Variants in EML6 observed in about 807,000 individuals in gnomAD.
EML6 encodes EMAP like 6, also known as echinoderm microtubule-associated protein-like 6.
EML6 carries 154 observed loss-of-function variants against 240.1 expected under a neutral mutation model. That is an observed-to-expected ratio of 0.64 (90% CI 0.56 to 0.73). The LOEUF is 0.73. Ranked by LOEUF, EML6 falls within the 30% of genes least tolerant of loss-of-function variation. The pLI is 0.00. For missense variants in EML6, 2,964 were observed against 2,474.6 expected (o/e 1.20, Z -4.20); for synonymous variants, 1,148 against 899.0 (o/e 1.28, Z -4.95).
At chr2:54,839,306 C>T (rs185200591) in intron 7 of EML6, among the ~76,000 whole-genome samples, 1 of 152,178 alleles carries the variant, frequency 6.6e-6, no homozygotes, top group Admixed American at 6.5e-5. Context: ...TATTAGGAAA[C>T]ATGAATACAG....
At chr2:54,796,316 T>C (rs1669768794) in intron 2 of EML6, among the ~76,000 whole-genome samples, 1 of 152,160 alleles carries the variant, frequency 6.6e-6, no homozygotes, top group Non-Finnish European at 1.5e-5. Context: ...CTTTACTCAT[T>C]ACTCTCAAAA....
chr2:54,823,272 G>T (rs991963781), intron 5 of EML6, among the ~76,000 whole-genome samples: 1 of 152,168 alleles, frequency 6.6e-6, no homozygotes, highest in African/African-American at 2.4e-5. Context: ...CTGAGCCTCA[G>T]TGGGTGGGTG....
At chr2:54,728,655 A>G (rs116681291) in intron 2 of EML6, among the ~76,000 whole-genome samples, 4,766 of 152,282 alleles carry the variant, frequency 0.031, 101 homozygotes, top group South Asian at 0.094. Context: ...AAAAAAATGT[A>G]TGCAAAGGGT....
At chr2:54,846,983 G>T (rs544396079) in intron 8 of EML6, among the ~76,000 whole-genome samples, 1 of 149,542 alleles carries the variant, frequency 6.7e-6, no homozygotes, top group African/African-American at 2.4e-5. Flanking sequence ...GCGGTGGCAG[G>T]ATCAGCCTTG....
Position 54,864,694 on chromosome 2 carries a change from T to C in EML6, c.1932+805T>C, listed in dbSNP as rs574271492. 2.4e-4 allele frequency among the ~76,000 whole-genome samples: 36 copies of C among 152,358 alleles called. 1 individual carries two copies. The highest frequency in any genetic ancestry group is 6.8e-3 in the Middle Eastern group (2 of 294). On this transcript the variant is annotated intron_variant, in intron 13 of 41. Transcript: ENST00000356458. ...AGATATAGGCCTATGGCAGCTACCA[T>C]GTGTTGAAAGAAGTAAAGTAACTTG...
At chr2:54,741,875 C>T (rs1271151658) in intron 2 of EML6, among the ~76,000 whole-genome samples, 1 of 152,122 alleles carries the variant, frequency 6.6e-6, no homozygotes, top group African/African-American at 2.4e-5. Context: ...TTAAATATAG[C>T]TGGAATGATG....
At chr2:54,912,572 C>T (rs1486212798) in intron 25 of EML6, among the ~76,000 whole-genome samples, 1 of 152,104 alleles carries the variant, frequency 6.6e-6, no homozygotes, top group Non-Finnish European at 1.5e-5. Context: ...CCTCTCTCTG[C>T]CCCCCAGGAA....
intron 2 of EML6, among the ~76,000 whole-genome samples, chr2:54,796,118 C>CCTTT (rs759482308): frequency 1.4e-4 from 22 of 152,108 alleles, no homozygotes; most frequent in Non-Finnish European, 2.9e-4. Flanking sequence ...GAAATAAAGG[C>CCTTT]AAGTATGATA....
intron 26 of EML6, among the ~76,000 whole-genome samples, chr2:54,925,804 A>G (rs1194237227): frequency 6.6e-6 from 1 of 152,326 alleles, no homozygotes; most frequent in African/African-American, 2.4e-5. Flanking sequence ...TATGGCCTGC[A>G]GATTGCTTCC....
intron 28 of EML6, among the ~76,000 whole-genome samples, chr2:54,936,575 TTA>T (rs1209757575): frequency 6.6e-6 from 1 of 152,188 alleles, no homozygotes; most frequent in African/African-American, 2.4e-5. Flanking sequence ...CACTTAACCT[TTA>T]TGTTTTGAAG....
At chr2:54,918,555 C>T (rs1295527014) in intron 26 of EML6, among the ~76,000 whole-genome samples, 1 of 152,144 alleles carries the variant, frequency 6.6e-6, no homozygotes, top group Non-Finnish European at 1.5e-5. Context: ...CTATATTACC[C>T]AGGCTGGTCC....
intron 40 of EML6, 78 bp downstream of exon 40, chr2:54,968,359 G>A (rs1558736532): frequency 2.9e-6 from 4 of 1,356,722 alleles, no homozygotes; most frequent in African/African-American, 1.4e-5. Context: ...CGTCTAGATG[G>A]CCCTCTGGGA....
At chr2:54,820,868 C>G (rs569691401) in intron 5 of EML6, among the ~76,000 whole-genome samples, 1 of 152,230 alleles carries the variant, frequency 6.6e-6, no homozygotes, top group East Asian at 1.9e-4. Context: ...AGAAAGGTGT[C>G]AAGTTGTGCT....
chr2:54,956,240 TG>T (rs1676227958), intron 32 of EML6, among the ~76,000 whole-genome samples: 1 of 1,364 alleles, frequency 7.3e-4, no homozygotes, highest in Admixed American at 0.012. Flanking sequence ...ACTCATTGTT[TG>T]TTTGCACTTC....
At chr2:54,876,357 T>C (rs2103955319) in intron 16 of EML6, among the ~76,000 whole-genome samples, 1 of 152,310 alleles carries the variant, frequency 6.6e-6, no homozygotes, top group South Asian at 2.1e-4. Context: ...GAGGTATGGC[T>C]GTTGAGGCAC....
intron 28 of EML6, 48 bp from the exon 29 acceptor site, chr2:54,948,834 G>T: frequency 1.4e-6 from 2 of 1,453,274 alleles, no homozygotes; most frequent in Non-Finnish European, 9.5e-7. Flanking sequence ...AGGCAGCCTT[G>T]CAGCCCTTGT....
intron 25 of EML6, among the ~76,000 whole-genome samples, chr2:54,912,675 C>T (rs537953678): frequency 1.1e-4 from 17 of 152,252 alleles, no homozygotes; most frequent in Non-Finnish European, 1.9e-4. Context: ...TATTCTGTTC[C>T]TGCGTTAATT....
At chr2:54,748,817 C>T (rs764642977) in intron 2 of EML6, among the ~76,000 whole-genome samples, 22 of 152,252 alleles carry the variant, frequency 1.4e-4, no homozygotes, top group Non-Finnish European at 2.6e-4. Context: ...CCCACCTTGG[C>T]CTTTTAAAAT....
At chr2:54,758,940 C>A (rs1337196899) in intron 2 of EML6, among the ~76,000 whole-genome samples, 1 of 115,572 alleles carries the variant, frequency 8.7e-6, no homozygotes, top group Non-Finnish European at 1.8e-5. Context: ...CCTTTTTGAG[C>A]TATAGATTTT....
Sources: allele counts gnomAD v4.1 joint callset (sites outside exome capture counted in the v4.1 genomes callset), GRCh38; gene constraint gnomAD v4.1.1; transcripts MANE v1.5; gene names NCBI Gene and HGNC (gene_info 2026-07-23, HGNC 2026-07-21).